CCSER1: variants seen among roughly 807,000 people sequenced by gnomAD.
The protein encoded by CCSER1 is serine-rich coiled-coil domain-containing protein 1.
In CCSER1, 41 loss-of-function variants were observed where a neutral mutation model predicts 82.0. The ratio of observed to expected loss-of-function variants is 0.50; its 90% CI spans 0.39 to 0.65. CCSER1 has a LOEUF of 0.65. Among genes scored for constraint, CCSER1 ranks in the 30% least tolerant of loss-of-function variants. The pLI, the probability that CCSER1 is intolerant of heterozygous loss-of-function variation, is 0.00. For synonymous variants in CCSER1, 414 were observed against 383.9 expected, an observed-to-expected ratio of 1.08 and a Z score of -0.92; for missense variants, 1,119 against 1,064.2, an observed-to-expected ratio of 1.05 and a Z score of -0.72.
At chr4:91,449,652 A>C (rs2149417676) in intron 10 of CCSER1, among the ~76,000 whole-genome samples, 1 of 152,150 alleles carries the variant, frequency 6.6e-6, no homozygotes, top group African/African-American at 2.4e-5. Context: ...AGATTATGAT[A>C]CTGTGAAATT....
chr4:90,535,954 A>G (rs1775272387), intron 5 of CCSER1, among the ~76,000 whole-genome samples: 1 of 151,970 alleles, frequency 6.6e-6, no homozygotes, highest in Non-Finnish European at 1.5e-5. Context: ...ATATGTCTTG[A>G]CTATAATATG....
intron 9 of CCSER1, among the ~76,000 whole-genome samples, chr4:91,041,490 T>G (rs759204534): frequency 2.6e-5 from 4 of 152,190 alleles, no homozygotes; most frequent in Non-Finnish European, 5.9e-5. Context: ...ATACTTTGTT[T>G]TAACTATGGA....
At chr4:90,604,371 T>G (rs1285417294) in intron 5 of CCSER1, among the ~76,000 whole-genome samples, 1 of 152,196 alleles carries the variant, frequency 6.6e-6, no homozygotes, top group Non-Finnish European at 1.5e-5. Flanking sequence ...AGACTTGAAT[T>G]TGAATTAAAG....
intron 9 of CCSER1, among the ~76,000 whole-genome samples, chr4:91,015,764 A>G (rs1328600636): frequency 1.3e-5 from 2 of 152,060 alleles, no homozygotes; most frequent in Non-Finnish European, 2.9e-5. Context: ...ATTAAAAGCA[A>G]TTCAGCAATA....
chr4:90,160,130 AGTT>A (rs1466162321), intron 1 of CCSER1, among the ~76,000 whole-genome samples: 1 of 152,214 alleles, frequency 6.6e-6, no homozygotes, highest in Non-Finnish European at 1.5e-5. Flanking sequence ...ACTCCATAGT[AGTT>A]GTTGCACTCA....
intron 3 of CCSER1, among the ~76,000 whole-genome samples, chr4:90,361,588 T>C (rs954952145): frequency 2.0e-5 from 3 of 152,204 alleles, no homozygotes; most frequent in South Asian, 2.1e-4. Flanking sequence ...TAGGGTGCAA[T>C]TGAGCCTATC....
At chr4:90,507,187 T>A (rs950992856) in intron 5 of CCSER1, among the ~76,000 whole-genome samples, 2 of 152,166 alleles carry the variant, frequency 1.3e-5, no homozygotes, top group African/African-American at 4.8e-5. Flanking sequence ...CAGCAGTGAT[T>A]ACTTCTTTCC....
At chr4:90,801,415 A>C (rs1243659660) in intron 7 of CCSER1, among the ~76,000 whole-genome samples, 1 of 152,150 alleles carries the variant, frequency 6.6e-6, no homozygotes, top group Non-Finnish European at 1.5e-5. Flanking sequence ...CCTCTGTACA[A>C]ATGTAAGGTG....
intron 4 of CCSER1, among the ~76,000 whole-genome samples, chr4:90,422,956 A>G (rs532249573): frequency 7.2e-5 from 11 of 152,262 alleles, no homozygotes; most frequent in Non-Finnish European, 1.5e-4. Context: ...ATTCTTCCAT[A>G]TTCGATAATG....
At chr4:90,788,866 C>A (rs1373178919) in intron 7 of CCSER1, among the ~76,000 whole-genome samples, 2 of 152,134 alleles carry the variant, frequency 1.3e-5, no homozygotes, top group African/African-American at 2.4e-5. Context: ...AGTTCTCTGC[C>A]TAGTTATGTA....
At chr4:90,784,913 A>G (rs1381854862) in intron 7 of CCSER1, among the ~76,000 whole-genome samples, 1 of 152,234 alleles carries the variant, frequency 6.6e-6, no homozygotes, top group Non-Finnish European at 1.5e-5. Context: ...CATTAAGTGG[A>G]AGTAGATTAT....
intron 4 of CCSER1, among the ~76,000 whole-genome samples, chr4:90,443,410 A>G (rs760203304): frequency 1.3e-5 from 2 of 152,158 alleles, no homozygotes; most frequent in African/African-American, 2.4e-5. Flanking sequence ...ATGGGCAGGT[A>G]GTATAGACAA....
chr4:91,165,547 A>G (rs1285691350), intron 10 of CCSER1, among the ~76,000 whole-genome samples: 1 of 152,218 alleles, frequency 6.6e-6, no homozygotes, highest in Non-Finnish European at 1.5e-5. Flanking sequence ...TGGGGTCTAC[A>G]GAGGCAGCAG....
chr4:90,970,764 G>T (rs2150397953), intron 9 of CCSER1, among the ~76,000 whole-genome samples: 1 of 151,874 alleles, frequency 6.6e-6, no homozygotes, highest in Admixed American at 6.6e-5. Flanking sequence ...TATTAAACTA[G>T]AAATCAATAA....
At chr4:91,026,292 A>G (rs1018113721) in intron 9 of CCSER1, among the ~76,000 whole-genome samples, 1 of 152,000 alleles carries the variant, frequency 6.6e-6, no homozygotes, top group Non-Finnish European at 1.5e-5. Flanking sequence ...TTTTTCTCCT[A>G]TGTCCATTGT....
intron 10 of CCSER1, among the ~76,000 whole-genome samples, chr4:91,370,935 C>T (rs551102764): frequency 2.0e-5 from 3 of 151,976 alleles, no homozygotes; most frequent in Admixed American, 6.6e-5. Flanking sequence ...GATCTTGGCT[C>T]ACTGCAACCT....
At chr4:90,393,793 T>TC (rs1554021875) in intron 3 of CCSER1, among the ~76,000 whole-genome samples, 51 of 145,692 alleles carry the variant, frequency 3.5e-4, no homozygotes, top group Middle Eastern at 3.5e-3. Context: ...TTTTTTTTTT[T>TC]TGGGACAGGA....
intron 10 of CCSER1, among the ~76,000 whole-genome samples, chr4:91,546,170 G>T (rs1353631142): frequency 6.6e-6 from 1 of 152,094 alleles, no homozygotes; most frequent in Non-Finnish European, 1.5e-5. Flanking sequence ...TATTGGGTTT[G>T]ATTTACTAAT....
Position 90,958,608 on chromosome 4 carries a change from T to C in CCSER1, c.2172+35161T>C, listed in dbSNP as rs1483805295. Among the ~76,000 whole-genome samples the C allele has an allele frequency of 1.3e-5, 2 of 152,224 alleles. 1 individual carries two copies. Among genetic ancestry groups the C allele is most frequent in the East Asian group, 3.9e-4 (2 of 5,170 alleles). ...CACTTGCTAACCTTAGAGACAGGTC[T>C]TGTAGTCTCGTGTCCCTCCCTTGGG... On this transcript the variant is annotated intron_variant, in intron 9 of 10. Coordinates refer to ENST00000509176, the MANE Select transcript of CCSER1 (RefSeq NM_001145065.2).
Sources: allele counts gnomAD v4.1 joint callset (sites outside exome capture counted in the v4.1 genomes callset), GRCh38; gene constraint gnomAD v4.1.1; transcripts MANE v1.5; gene names NCBI Gene and HGNC (gene_info 2026-07-23, HGNC 2026-07-21).